The following PIK3CG variants were observed in gnomAD, a reference collection of about 807,000 sequenced individuals.
PIK3CG encodes phosphatidylinositol 4,5-bisphosphate 3-kinase catalytic subunit gamma isoform.
PIK3CG carries 55 observed loss-of-function variants against 102.3 expected under a neutral mutation model. The observed-to-expected ratio is 0.54, with a 90% CI of 0.43 to 0.67. PIK3CG has a LOEUF of 0.67. Among genes scored for constraint, PIK3CG ranks in the 30% least tolerant of loss-of-function variants. PIK3CG has a pLI of 0.00. For synonymous variants in PIK3CG, 552 were observed against 540.0 expected (o/e 1.02, Z -0.31); for missense variants, 1,258 against 1,391.8 (o/e 0.90, Z 1.53).
intron 10 of PIK3CG, among the ~76,000 whole-genome samples, chr7:106,901,053 G>A (rs1791537471): frequency 6.6e-6 from 1 of 152,130 alleles, no homozygotes; most frequent in Non-Finnish European, 1.5e-5. Flanking sequence ...ATCTTCTTGT[G>A]TAGAATCTTG....
At position 106,868,875 on chromosome 7, in the gene PIK3CG, T is replaced by C; in HGVS notation, c.1314T>C (p.Ala438=). The C allele has an allele frequency of 6.2e-7, 1 of 1,614,134 alleles. No individual in the cohort carries two copies. ...LLNLQIYCGK[A]PALSSKASAE... The stretch of plus-strand genomic sequence containing the variant: ...ACCTCCAGATCTACTGCGGTAAAGC[T>C]CCAGCACTGTCCAGCAAGGCCTCTG... Residue 438 remains alanine, a synonymous_variant, in exon 2 of 11, where the codon GCT becomes GCC. Transcript: ENST00000496166. The surrounding 1 kb of genome is among the most constrained non-coding windows in gnomAD (Gnocchi z 6.2).
rs929030730 is a variant in PIK3CG at position 106,892,411 on chromosome 7, G to A, written c.3030+6119G>A. On this transcript the variant is annotated intron_variant, in intron 10 of 10. Transcript: ENST00000496166. This position sits in a 1 kb window ranked among gnomAD's most constrained non-coding sequence, Gnocchi z 5.2. ...ATACATACTACAGTTTAGGCACCGTGCCAGGCATAAAGAAGGATCAGGTAC... is the reference window on the plus strand; with the variant it reads ...ATACATACTACAGTTTAGGCACCGTACCAGGCATAAAGAAGGATCAGGTAC... Among the ~76,000 whole-genome samples the A allele has an allele frequency of 6.6e-6, 1 of 152,224 alleles. No individual in the cohort carries two copies. The highest frequency in any genetic ancestry group is 2.4e-5 in the African/African-American group (1 of 41,450).
At position 106,892,165 on chromosome 7, in the gene PIK3CG, A is replaced by G. The variant is rs1020891885; in HGVS notation, c.3030+5873A>G. Among the ~76,000 whole-genome samples the G allele has an allele frequency of 2.0e-5, 3 of 151,830 alleles. No homozygotes were observed. The highest frequency in any genetic ancestry group is 4.4e-5 in the Non-Finnish European group (3 of 67,978). On this transcript the variant is annotated intron_variant, in intron 10 of 10. Coordinates refer to ENST00000496166, the MANE Select transcript of PIK3CG (RefSeq NM_001282426.2). This position sits in a 1 kb window ranked among gnomAD's most constrained non-coding sequence, Gnocchi z 5.2. Reference sequence around the variant, plus strand: ...AAGCCCAGCCACAGGGACCACAGAGACCTTGTAATCTGACATTCTTCCAAG... The same window carrying G: ...AAGCCCAGCCACAGGGACCACAGAGGCCTTGTAATCTGACATTCTTCCAAG...
In PIK3CG at chr7:106,879,451, A is replaced by G. The variant is rs901385126; in HGVS notation, c.2392-68A>G. The G allele has an allele frequency of 5.9e-5, 74 of 1,261,090 alleles. No homozygotes were observed. The African/African-American group carries it at 9.6e-4, about 16-fold the overall frequency. The allele number at this position is 1,261,090 out of a possible 1,614,324, so 78.1% of individuals were successfully genotyped here. On this transcript the variant is annotated intron_variant, in intron 5 of 10. Coordinates refer to ENST00000496166, the MANE Select transcript of PIK3CG (RefSeq NM_001282426.2). This position sits in a 1 kb window ranked among gnomAD's most constrained non-coding sequence, Gnocchi z 4.9. The stretch of plus-strand genomic sequence containing the variant: ...GTTTATAGTGATGTTTTGCAAGAGA[A>G]TTTGTGTCTCCACCATGTATATTCG...
At chr7:106,873,875 T>C (rs1047843965) in intron 4 of PIK3CG, among the ~76,000 whole-genome samples, 3 of 152,180 alleles carry the variant, frequency 2.0e-5, no homozygotes, top group Admixed American at 6.5e-5. Flanking sequence ...TAGATTTTGA[T>C]TGATACTACA....
Position 106,905,768 on chromosome 7 carries a change from T to C in PIK3CG, c.*381T>C. The C allele has an allele frequency of 3.7e-6, 1 of 272,710 alleles. No homozygotes were observed. The highest frequency in any genetic ancestry group is 7.0e-6 in the Non-Finnish European group (1 of 143,728). The allele number at this position is 272,710 out of a possible 1,614,324, so 16.9% of individuals were successfully genotyped here. On this transcript the variant is annotated 3_prime_UTR_variant, in exon 11 of 11. Transcript: ENST00000496166. The surrounding 1 kb of genome is among the most constrained non-coding windows in gnomAD (Gnocchi z 5.6). Reference sequence around the variant, plus strand: ...TTTCATCTGGGTTTAGTCTCAATTTTGGTTATCTTTGTGTTCCTCAAGCTC... The same window carrying C: ...TTTCATCTGGGTTTAGTCTCAATTTCGGTTATCTTTGTGTTCCTCAAGCTC...
At chr7:106,896,704 G>A (rs1791418300) in intron 10 of PIK3CG, among the ~76,000 whole-genome samples, 1 of 152,166 alleles carries the variant, frequency 6.6e-6, no homozygotes, top group African/African-American at 2.4e-5. Flanking sequence ...GAACAGGGAG[G>A]AAATGCAGAG....
At chr7:106,900,241 T>A (rs1791508952) in intron 10 of PIK3CG, among the ~76,000 whole-genome samples, 1 of 152,014 alleles carries the variant, frequency 6.6e-6, no homozygotes, top group Non-Finnish European at 1.5e-5. Flanking sequence ...ATATATATAT[T>A]TAGGCTACTT....
chr7:106,901,660 T>G (rs1004544106), intron 10 of PIK3CG, among the ~76,000 whole-genome samples: 9 of 152,348 alleles, frequency 5.9e-5, no homozygotes, highest in African/African-American at 1.9e-4. Flanking sequence ...CGAGAGTTCT[T>G]GTGTTGGTCC....
In PIK3CG at chr7:106,908,812, C is replaced by A. The variant is rs1375339001; in HGVS notation, c.*3425C>A. Among the ~76,000 whole-genome samples, 2 of 152,136 alleles carry A rather than the reference C, an allele frequency of 1.3e-5. No homozygotes were observed. The highest frequency in any genetic ancestry group is 4.8e-5 in the African/African-American group (2 of 41,434). ...AGTTTCCAGAGCAAATCTGACCTAG[C>A]ATTTGGTATGCTAGGCTCTGCTTTT... On this transcript the variant is annotated 3_prime_UTR_variant, in exon 11 of 11. Coordinates refer to ENST00000496166, the MANE Select transcript of PIK3CG (RefSeq NM_001282426.2). The surrounding 1 kb of genome is among the most constrained non-coding windows in gnomAD (Gnocchi z 4.1).
intron 9 of PIK3CG, 83 bp from the exon 10 acceptor site, chr7:106,886,052 C>T (rs567286598): frequency 1.6e-6 from 2 of 1,231,770 alleles, no homozygotes; most frequent in South Asian, 2.9e-5. Flanking sequence ...CAAGATAGCT[C>T]ATTTTTAGGC....
In PIK3CG at chr7:106,874,670, A is replaced by G. The variant is rs1439151912; in HGVS notation, c.2288-30A>G. 5.2e-6 allele frequency: 7 copies of G among 1,355,660 alleles called. No individual in the cohort carries two copies. Among genetic ancestry groups the G allele is most frequent in the African/African-American group, 2.9e-5 (2 of 69,694 alleles). 84.0% of individuals were successfully genotyped at this position (1,355,660 alleles called of 1,614,324 possible). ...AATATTGATGATTTCTGGAACTCAC[A>G]TAACTCTTGTGTACTTTTGACAATT... On this transcript the variant is annotated intron_variant, in intron 4 of 10. Coordinates refer to ENST00000496166, the MANE Select transcript of PIK3CG (RefSeq NM_001282426.2). The surrounding 1 kb of genome is among the most constrained non-coding windows in gnomAD (Gnocchi z 4.3).
intron 7 of PIK3CG, 93 bp downstream of exon 7, chr7:106,882,300 ATAATCT>A (rs1297667632): frequency 6.2e-5 from 33 of 529,834 alleles, no homozygotes; most frequent in Admixed American, 4.7e-4. Flanking sequence ...CTGAAAAATC[ATAATCT>A]TAATCTGTAT....
rs757301559 is a variant in PIK3CG, at chr7:106,894,942, C to T, written c.3030+8650C>T. On this transcript the variant is annotated intron_variant, in intron 10 of 10. Coordinates refer to ENST00000496166, the MANE Select transcript of PIK3CG (RefSeq NM_001282426.2). This position sits in a 1 kb window ranked among gnomAD's most constrained non-coding sequence, Gnocchi z 4.4. ...GAAATGATAATGAATTCCTTTGTTC[C>T]CAAGACTTCTAAGGGCAGTAGCTTT... 1.3e-5 allele frequency among the ~76,000 whole-genome samples: 2 copies of T among 152,122 alleles called. No homozygotes were observed. Among genetic ancestry groups the T allele is most frequent in the Non-Finnish European group, 2.9e-5 (2 of 68,020 alleles).
At position 106,877,195 on chromosome 7, in the gene PIK3CG, T is replaced by C. The variant is rs2116511766; in HGVS notation, c.2392-2324T>C. Among the ~76,000 whole-genome samples the C allele has an allele frequency of 6.6e-6, 1 of 152,306 alleles. No homozygotes were observed. Among genetic ancestry groups the C allele is most frequent in the South Asian group, 2.1e-4 (1 of 4,824 alleles). On this transcript the variant is annotated intron_variant, in intron 5 of 10. Transcript: ENST00000496166. The surrounding 1 kb of genome is among the most constrained non-coding windows in gnomAD (Gnocchi z 4.5). ...CCTGGGCTACAGAGCGAGACCCTGT[T>C]TCAAAAGAAATGAAAAAGAAATCTA...
intron 1 of PIK3CG, among the ~76,000 whole-genome samples, chr7:106,865,956 A>ATT (rs1790265694): frequency 6.6e-6 from 1 of 152,238 alleles, no homozygotes; most frequent in Non-Finnish European, 1.5e-5. Flanking sequence ...ATAATGTAGC[A>ATT]AAAGACCAAA....
Position 106,899,971 on chromosome 7 carries a change from T to C in PIK3CG, c.3031-5138T>C, listed in dbSNP as rs993397290. ...ACATCTGGTAGAATTCAGCTGTGAA[T>C]TGATCAGGTCTTGGGCTTTTTTTTG... On this transcript the variant is annotated intron_variant, in intron 10 of 10. Coordinates refer to ENST00000496166, the MANE Select transcript of PIK3CG (RefSeq NM_001282426.2). This position sits in a 1 kb window ranked among gnomAD's most constrained non-coding sequence, Gnocchi z 4.6. Among the ~76,000 whole-genome samples, 3 of 152,268 alleles carry C rather than the reference T, an allele frequency of 2.0e-5. No homozygotes were observed. Among genetic ancestry groups the C allele is most frequent in the East Asian group, 3.9e-4 (2 of 5,182 alleles).
chr7:106,905,342 A>G lies in PIK3CG; in HGVS notation c.3264A>G (p.Leu1088=), dbSNP rs769624690. The G allele has an allele frequency of 9.3e-6, 15 of 1,613,924 alleles. No homozygotes were observed. In the East Asian group the frequency reaches 3.1e-4, roughly 34 times the overall value. The change falls in exon 11 of 11, where the codon CTA becomes CTG. Residue 1088 remains leucine (L), a synonymous_variant. Transcript: ENST00000496166. This position sits in a 1 kb window ranked among gnomAD's most constrained non-coding sequence, Gnocchi z 5.6. ...GGACTGTGCAGTTTAATTGGTTTCTACATCTTGTTCTTGGCATCAAACAAG... is the reference window on the plus strand; with the variant it reads ...GGACTGTGCAGTTTAATTGGTTTCTGCATCTTGTTCTTGGCATCAAACAAG... ...KGWTVQFNWF[L]HLVLGIKQGE... is the part of the protein sequence containing the mutation.
chr7:106,900,165 G>T (rs1791507153), intron 10 of PIK3CG, among the ~76,000 whole-genome samples: 1 of 151,906 alleles, frequency 6.6e-6, no homozygotes, highest in African/African-American at 2.4e-5. Context: ...TCTGATGGTT[G>T]TTTTTATTTC....
Sources: gnomAD v4.1 joint callset for allele counts (sites outside exome capture counted in the v4.1 genomes callset) on GRCh38, gnomAD v4.1.1 for gene constraint, Gnocchi (gnomAD v3.1) non-coding constraint, MANE v1.5 for transcripts, NCBI Gene and HGNC (gene_info 2026-07-23, HGNC 2026-07-21) for gene names.